The following TTN variants were observed in gnomAD, a reference collection of about 807,000 sequenced individuals.
TTN encodes connectin.
A neutral mutation model predicts 3,223.0 loss-of-function variants in TTN; 1,525 were observed. That is an observed-to-expected ratio of 0.47 (90% CI 0.45 to 0.49). The LOEUF (loss-of-function observed/expected upper bound fraction) is 0.49. TTN is among the 20% of genes least tolerant of loss of function. The pLI, the probability that TTN is intolerant of heterozygous loss-of-function variation, is 0.00. For synonymous variants in TTN, 14,094 were observed against 15,161.0 expected (o/e 0.93, Z 5.17); for missense variants, 40,786 against 43,424.0 (o/e 0.94, Z 5.40).
In TTN at chr2:178,539,474, A is replaced by G. The variant is rs201257063; in HGVS notation, c.98591T>C (p.Val32864Ala). Residue 32864 changes from valine to alanine, a missense_variant, in exon 352 of 363, where the codon GTA becomes GCA. By Grantham distance (64) the Val-to-Ala change is moderately conservative (BLOSUM62 0). Coordinates refer to ENST00000589042, the MANE Select transcript of TTN (RefSeq NM_001267550.2). Reference sequence around the variant, plus strand: ...TGCTGAAACACGGAAATGGTATTCTACATTCTCTTTGAGGCCTTTTACCAC... The same window carrying G: ...TGCTGAAACACGGAAATGGTATTCTGCATTCTCTTTGAGGCCTTTTACCAC... ...SLVVKGLKEN[V>A]EYHFRVSAEN... 1.2e-4 allele frequency: 188 copies of G among 1,613,734 alleles called. 1 individual carries two copies. The highest frequency in any genetic ancestry group is 1.4e-4 in the Non-Finnish European group (168 of 1,179,800).
At position 178,683,289 on chromosome 2, in the gene TTN, T is replaced by C. The variant is rs1311742634; in HGVS notation, c.32809A>G (p.Thr10937Ala). Residue 10937 changes from threonine (T) to alanine (A), a missense_variant and splice_region_variant, in exon 134 of 363, where the codon ACT becomes GCT. Physicochemically the swap from Thr to Ala is moderately conservative, Grantham distance 58. Coordinates refer to ENST00000589042, the MANE Select transcript of TTN (RefSeq NM_001267550.2). ...TTAACCACTCTTTTTCTGAATTCAGTCACTTTAAAGGAGTAATTATTAAAA... is the reference window on the plus strand; with the variant it reads ...TTAACCACTCTTTTTCTGAATTCAGCCACTTTAAAGGAGTAATTATTAAAA... ...KREEEPPAKV[T>A]EFRKRVVKEE... 18 of 1,528,034 alleles carry C rather than the reference T, an allele frequency of 1.2e-5. No individual in the cohort carries two copies. The highest frequency in any genetic ancestry group is 7.9e-5 in the Admixed American group (4 of 50,448). 94.7% of individuals were successfully genotyped at this position (1,528,034 alleles called of 1,614,324 possible). A position where few individuals can be genotyped will look rare whatever the true frequency, so the allele number is the denominator to read the frequency against.
At position 178,669,426 on chromosome 2, in the gene TTN, C is replaced by G. The variant is rs750291830; in HGVS notation, c.35492G>C (p.Ser11831Thr). The G allele has an allele frequency of 2.0e-6, 3 of 1,528,016 alleles. No individual in the cohort carries two copies. Among genetic ancestry groups the G allele is most frequent in the East Asian group, 2.4e-5 (1 of 42,480 alleles). The allele number at this position is 1,528,016 out of a possible 1,614,324, so 94.7% of individuals were successfully genotyped here. A position where few individuals can be genotyped will look rare whatever the true frequency, so the allele number is the denominator to read the frequency against. ...AATAGGTGATTTTTCTTCTTGAACA[C>G]TTTTCTTAGGCATCCCAGGAACTTT... Reference protein sequence around the residue: ...PAKVPGMPKKSVQEEKSPIVI... With the variant: ...PAKVPGMPKKTVQEEKSPIVI... The change falls in exon 159 of 363, where the codon AGT becomes ACT. Residue 11831 changes from serine to threonine, a missense_variant. By Grantham distance (58) the Ser-to-Thr change is moderately conservative. Coordinates refer to ENST00000589042, the MANE Select transcript of TTN (RefSeq NM_001267550.2).
At chr2:178,720,306 T>A (rs72648974) in intron 80 of TTN, 42 bp from the exon 81 acceptor site, 52 of 1,595,170 alleles carry the variant, frequency 3.3e-5, no homozygotes, top group Middle Eastern at 3.4e-4. Context: ...AATGTGAGAA[T>A]CATGGCCACA....
chr2:178,733,515 G>T lies in TTN; in HGVS notation c.15778C>A (p.Pro5260Thr), dbSNP rs727505108. 7 of 1,608,724 alleles carry T rather than the reference G, an allele frequency of 4.4e-6. No individual in the cohort carries two copies. The African/African-American group carries it at 9.4e-5, about 22-fold the overall frequency. The change falls in exon 54 of 363, where the codon CCT becomes ACT. Residue 5260 changes from proline to threonine, a missense_variant and splice_region_variant. Pro to Thr is a conservative substitution (Grantham distance 38). Transcript: ENST00000589042. The part of the protein sequence containing the change: ...TSVGELIVKE[P>T]AKIIERAELI... ...TCTGCTCGCTCAATGATTTTGGCAG[G>T]TTCTACAATGGTATGAAATAGTTAG...
intron 134 of TTN, 109 bp downstream of exon 134, chr2:178,683,102 G>A (rs892779613): frequency 3.1e-6 from 3 of 959,678 alleles, no homozygotes; most frequent in East Asian, 2.6e-5. Flanking sequence ...TATATACCCT[G>A]CCCTTAATCA....
chr2:178,745,497 T>C (rs770727501), intron 47 of TTN: 1 of 1,562,242 alleles, frequency 6.4e-7, no homozygotes, highest in Non-Finnish European at 8.7e-7. Context: ...TGGACCTGTT[T>C]GGAAGTTTAT....
intron 112 of TTN, 145 bp from the exon 113 acceptor site, chr2:178,697,313 G>T: frequency 1.6e-6 from 1 of 636,184 alleles, no homozygotes; most frequent in Non-Finnish European, 2.5e-6. Flanking sequence ...TCATAATAAT[G>T]CTTCTATAAT....
Position 178,706,873 on chromosome 2 carries a change from C to T in TTN, c.29123G>A (p.Arg9708Lys). ...LFFVSEPQSI[R>K]VVEKTTATFI... ...TGAAGTGCACTTACTTTCTACGACT[C>T]TGATACTCTGAGGTTCTGACACAAA... Residue 9708 changes from arginine to lysine, a missense_variant, in exon 101 of 363, where the codon AGA (arginine) becomes AAA (lysine). Arg to Lys is a conservative substitution (Grantham distance 26). Transcript: ENST00000589042. 6.2e-7 allele frequency: 1 copy of T among 1,612,214 alleles called. No individual in the cohort carries two copies.
rs765290812 is a variant in TTN at position 178,583,926 on chromosome 2, A to T, written c.65276-20T>A. 49 of 1,517,488 alleles carry T rather than the reference A, an allele frequency of 3.2e-5. No individual in the cohort carries two copies. The highest frequency in any genetic ancestry group is 3.5e-6 in the Non-Finnish European group (4 of 1,129,322). 94.0% of individuals were successfully genotyped at this position (1,517,488 alleles called of 1,614,324 possible). ...GAGGATCTAAAACAAAAAGAGGTAC[A>T]CTCACCATTTATCTTACCAGCAGAA... On this transcript the variant is annotated intron_variant, in intron 311 of 362. Coordinates refer to ENST00000589042, the MANE Select transcript of TTN (RefSeq NM_001267550.2).
At position 178,563,052 on chromosome 2, in the gene TTN, G is replaced by A. The variant is rs192360370; in HGVS notation, c.83080C>T (p.Arg27694Cys). Residue 27694 changes from arginine to cysteine, a missense_variant, in exon 326 of 363, where the codon CGC (arginine) becomes TGC (cysteine). Physicochemically the swap from Arg to Cys is radical, Grantham distance 180. Coordinates refer to ENST00000589042, the MANE Select transcript of TTN (RefSeq NM_001267550.2). The surrounding 1 kb of genome is among the most constrained non-coding windows in gnomAD (Gnocchi z 4.5). Reference sequence around the variant, plus strand: ...CGACCTTTGATAGTGACAAATAAGCGTAAAGTAGCACTTGCACGCAGAACG... The same window carrying A: ...CGACCTTTGATAGTGACAAATAAGCATAAAGTAGCACTTGCACGCAGAACG... Reference protein sequence around the residue: ...VVVLRASATLRLFVTIKGRPE... With the variant: ...VVVLRASATLCLFVTIKGRPE... 369 of 1,613,592 alleles carry A rather than the reference G, an allele frequency of 2.3e-4. 1 individual carries two copies. In the East Asian group the frequency reaches 7.4e-3, roughly 32 times the overall value.
rs372250586 is a variant in TTN, at chr2:178,720,547, G to A, written c.23215C>T (p.Arg7739Ter). Residue 7739 changes from arginine (R) to a stop codon, truncating the protein, a stop_gained, in exon 80 of 363, where the codon CGA becomes TGA. Coordinates refer to ENST00000589042, the MANE Select transcript of TTN (RefSeq NM_001267550.2). LOFTEE classifies it high-confidence loss of function. ...PPFEVVWVKD[R>*]KQVRNSKKFK... ...TTCTTGCTGTTTCTAACCTGCTTTC[G>A]ATCTTTAACCCATACTACTTCAAAT... 2.5e-6 allele frequency: 4 copies of A among 1,613,230 alleles called. No homozygotes were observed. Among genetic ancestry groups the A allele is most frequent in the East Asian group, 2.2e-5 (1 of 44,838 alleles).
chr2:178,718,987 G>A lies in TTN; in HGVS notation c.24227-14C>T, dbSNP rs2077921024. The stretch of plus-strand genomic sequence containing the variant: ...AAGATGGTGGTTCTAGATATTGCAA[G>A]GCGGAAGGGGAGATAAAGAGAAGAA... On this transcript the variant is annotated splice_polypyrimidine_tract_variant and intron_variant, in intron 83 of 362. Transcript: ENST00000589042. The A allele has an allele frequency of 6.4e-7, 1 of 1,567,936 alleles. No homozygotes were observed.
At position 178,672,073 on chromosome 2, in the gene TTN, T is replaced by C. The variant is rs371165076; in HGVS notation, c.35125A>G (p.Arg11709Gly). The C allele has an allele frequency of 5.6e-6, 9 of 1,612,056 alleles. No individual in the cohort carries two copies. In the African/African-American group the frequency reaches 1.1e-4, roughly 19 times the overall value. ...VEEFIKLEQH[R>G]VEEEHRVEKV... ...TCAACTCTGTGTTCTTCTTCAACTC[T>C]ATGTTGTTCTAATTTGATGAATTCT... is the stretch of plus-strand genomic sequence containing the variant. The change falls in exon 155 of 363, where the codon AGA becomes GGA. Residue 11709 changes from arginine (R) to glycine (G), a missense_variant. Coordinates refer to ENST00000589042, the MANE Select transcript of TTN (RefSeq NM_001267550.2).
intron 6 of TTN, chr2:178,799,220 C>A: frequency 2.2e-6 from 1 of 461,260 alleles, no homozygotes; most frequent in Non-Finnish European, 4.0e-6. Flanking sequence ...CCCAAGATCA[C>A]CCTGACCTGC....
At chr2:178,544,625 A>G (rs1177518178) in intron 344 of TTN, 119 bp from the exon 345 acceptor site, 2 of 775,308 alleles carry the variant, frequency 2.6e-6, no homozygotes, top group East Asian at 5.0e-5. Context: ...TCACCAAGAT[A>G]ATCTTTATTA....
In TTN at chr2:178,569,804, T is replaced by C. The variant is rs879171592; in HGVS notation, c.76328A>G (p.Glu25443Gly). 2 of 1,613,276 alleles carry C rather than the reference T, an allele frequency of 1.2e-6. No individual in the cohort carries two copies. The highest frequency in any genetic ancestry group is 2.7e-5 in the African/African-American group (2 of 74,890). The part of the protein sequence containing the change: ...GGCEIQGYIV[E>G]KCDVSVGEWT... ...TTCACCAACACTCACATCACATTTT[T>C]CAACAATGTATCCTTGAATTTCACA... is the stretch of plus-strand genomic sequence containing the variant. Residue 25443 changes from glutamate (E) to glycine (G), a missense_variant, in exon 326 of 363, where the codon GAA becomes GGA. Coordinates refer to ENST00000589042, the MANE Select transcript of TTN (RefSeq NM_001267550.2).
At chr2:178,758,699 T>G (rs2088067033) in intron 44 of TTN, 1 of 443,244 alleles carries the variant, frequency 2.3e-6, no homozygotes, top group Non-Finnish European at 4.1e-6. Context: ...CGCCCCCTTC[T>G]GATTCATGCT....
rs758420542 is a variant in TTN, at chr2:178,534,963, G to C, written c.101652C>G (p.Ser33884Arg). 1 of 1,613,014 alleles carries C rather than the reference G, an allele frequency of 6.2e-7. No individual in the cohort carries two copies. The highest frequency in any genetic ancestry group is 2.2e-5 in the East Asian group (1 of 44,864). Residue 33884 changes from serine to arginine, a missense_variant, in exon 358 of 363, where the codon AGC becomes AGG. Transcript: ENST00000589042. ...CAAAGATCATAACTAATTCTTCCAT[G>C]CTTTCAAATGATTCATGGAGGTGTA... Reference protein sequence around the residue: ...NILHLHESFESMEELVMIFEF... With the variant: ...NILHLHESFERMEELVMIFEF...
In TTN at chr2:178,594,235, T is replaced by C. The variant is rs1559622384; in HGVS notation, c.58158A>G (p.Pro19386=). 2 of 1,606,124 alleles carry C rather than the reference T, an allele frequency of 1.2e-6. No homozygotes were observed. The highest frequency in any genetic ancestry group is 2.2e-5 in the East Asian group (1 of 44,638). The change falls in exon 297 of 363, where the codon CCA becomes CCG. Residue 19386 remains proline, a synonymous_variant. Coordinates refer to ENST00000589042, the MANE Select transcript of TTN (RefSeq NM_001267550.2). ...TATCTCTGAAGTCGAGGTGAAGCGT[T>C]GGGGGTGCTAAAATTTGTAATTATA... The part of the protein sequence containing the change: ...PITCKDELAP[P]TLHLDFRDKL...
Sources: gnomAD v4.1 joint callset for allele counts on GRCh38, gnomAD v4.1.1 for gene constraint, Gnocchi (gnomAD v3.1) non-coding constraint, MANE v1.5 for transcripts, NCBI Gene and HGNC (gene_info 2026-07-23, HGNC 2026-07-21) for gene names.